Variants in MAMLD1 observed in about 807,000 individuals in gnomAD.
MAMLD1 encodes mastermind like domain containing 1.
In MAMLD1, 14 loss-of-function variants were observed where a neutral mutation model predicts 45.0. The observed-to-expected ratio is 0.31, with a 90% CI of 0.21 to 0.49. MAMLD1 has a LOEUF of 0.49. MAMLD1 is among the 20% of genes least tolerant of loss of function. The pLI is 0.99. For missense variants in MAMLD1, 543 were observed against 603.6 expected (o/e 0.90, Z 1.05); for synonymous variants, 254 against 247.8 (o/e 1.02, Z -0.24).
intron 6 of MAMLD1, among the ~76,000 whole-genome samples, chrX:150,506,550 C>T (rs1356506369): frequency 7.1e-5 from 8 of 111,930 alleles, no homozygotes; most frequent in African/African-American, 2.6e-4. Flanking sequence ...GAACTTCAGC[C>T]CGAATCCGGC....
At position 150,471,339 on chromosome X, in the gene MAMLD1, C is replaced by A. The variant is rs782063965; in HGVS notation, c.1766C>A (p.Thr589Lys). The A allele has an allele frequency of 1.7e-6, 2 of 1,211,085 alleles. No homozygotes were observed. Among genetic ancestry groups the A allele is most frequent in the Non-Finnish European group, 2.2e-6 (2 of 895,232 alleles). The change falls in exon 4 of 8, where the codon ACG (threonine) becomes AAG (lysine). Residue 589 changes from threonine to lysine, a missense_variant. Thr to Lys is a moderately conservative substitution (Grantham distance 78). Transcript: ENST00000370401. ...GCCTCCTCAGCCACTGCCTCCTCCACGGCCACTGCCACCTTGCAGCTGCAG... is the reference window on the plus strand; with the variant it reads ...GCCTCCTCAGCCACTGCCTCCTCCAAGGCCACTGCCACCTTGCAGCTGCAG... The part of the protein sequence containing the change: ...TQASSATASS[T>K]ATATLQLQQQ...
chrX:150,407,218 A>G (rs2034020955), intron 1 of MAMLD1, among the ~76,000 whole-genome samples: 1 of 112,376 alleles, frequency 8.9e-6, no homozygotes, highest in Admixed American at 9.4e-5. Context: ...AATTTGCGAT[A>G]TATTAATTTA....
At chrX:150,477,650 T>C (rs1164496516) in intron 5 of MAMLD1, among the ~76,000 whole-genome samples, 3 of 111,524 alleles carry the variant, frequency 2.7e-5, no homozygotes, top group Non-Finnish European at 5.7e-5. Context: ...AATGTTGTCT[T>C]CTCTTCCCTC....
intron 1 of MAMLD1, among the ~76,000 whole-genome samples, chrX:150,377,819 T>TCTCA (rs782754923): frequency 1.1e-5 from 1 of 91,834 alleles, no homozygotes; most frequent in Non-Finnish European, 2.1e-5. Context: ...TACCACCCCC[T>TCTCA]CACACACACA....
intron 2 of MAMLD1, among the ~76,000 whole-genome samples, chrX:150,459,760 G>T (rs944081185): frequency 3.7e-5 from 4 of 107,448 alleles, no homozygotes; most frequent in Non-Finnish European, 5.8e-5. Flanking sequence ...TATAAATCAG[G>T]TCTCCCTTAC....
chrX:150,456,174 G>A (rs2035859267), intron 2 of MAMLD1, among the ~76,000 whole-genome samples: 2 of 110,609 alleles, frequency 1.8e-5, no homozygotes, highest in Non-Finnish European at 3.8e-5. Flanking sequence ...TTCGGGGAAG[G>A]CTGGCTTACT....
intron 1 of MAMLD1, among the ~76,000 whole-genome samples, chrX:150,374,256 T>TA (rs2032192049): frequency 8.9e-6 from 1 of 112,752 alleles, no homozygotes; most frequent in Admixed American, 9.3e-5. Context: ...TGTCACAGGT[T>TA]AAGAAAGCCT....
At chrX:150,461,550 T>C (rs2036040031) in intron 2 of MAMLD1, among the ~76,000 whole-genome samples, 1 of 111,955 alleles carries the variant, frequency 8.9e-6, no homozygotes, top group South Asian at 3.8e-4. Context: ...TTTTCTCGGT[T>C]CATTGGCCAC....
chrX:150,499,819 A>G (rs637869), intron 5 of MAMLD1, among the ~76,000 whole-genome samples: 1 of 111,779 alleles, frequency 8.9e-6, no homozygotes, highest in African/African-American at 3.3e-5. Flanking sequence ...TGTTATTTTC[A>G]CCATATGATT....
At chrX:150,420,419 A>G (rs1172547674) in intron 1 of MAMLD1, among the ~76,000 whole-genome samples, 2 of 108,873 alleles carry the variant, frequency 1.8e-5, no homozygotes, top group Non-Finnish European at 3.8e-5. Flanking sequence ...TTGATCGTCT[A>G]AAGCCTTCTT....
At chrX:150,432,089 T>C (rs1291522093) in intron 1 of MAMLD1, among the ~76,000 whole-genome samples, 1 of 111,406 alleles carries the variant, frequency 9.0e-6, no homozygotes, top group Non-Finnish European at 1.9e-5. Context: ...ACCTCTGTTT[T>C]TTTTTTATGT....
At chrX:150,490,061 G>A (rs1199999371) in intron 5 of MAMLD1, among the ~76,000 whole-genome samples, 1 of 112,005 alleles carries the variant, frequency 8.9e-6, no homozygotes, top group Non-Finnish European at 1.9e-5. Context: ...TCAGTCATTG[G>A]CCGGGAGTAC....
intron 1 of MAMLD1, among the ~76,000 whole-genome samples, chrX:150,383,806 G>A (rs782015289): frequency 9.0e-6 from 1 of 110,898 alleles, no homozygotes; most frequent in East Asian, 2.8e-4. Context: ...ATATGCTTTC[G>A]GTCTATATGG....
At chrX:150,484,220 A>G (rs1031392573) in intron 5 of MAMLD1, among the ~76,000 whole-genome samples, 6 of 113,032 alleles carry the variant, frequency 5.3e-5, no homozygotes, top group Non-Finnish European at 1.1e-4. Flanking sequence ...TCATAAGCAC[A>G]GATTCTACAT....
intron 1 of MAMLD1, among the ~76,000 whole-genome samples, chrX:150,430,143 G>A (rs1180976951): frequency 9.9e-6 from 1 of 101,404 alleles, no homozygotes; most frequent in Non-Finnish European, 2.0e-5. Context: ...TGCCTCATGA[G>A]TAGCTGGAAT....
At chrX:150,436,425 A>G (rs2035125589) in intron 1 of MAMLD1, among the ~76,000 whole-genome samples, 1 of 111,091 alleles carries the variant, frequency 9.0e-6, no homozygotes, top group Admixed American at 9.5e-5. Context: ...ATTCTTCTTT[A>G]TTGCTTCCTC....
intron 1 of MAMLD1, among the ~76,000 whole-genome samples, chrX:150,381,691 T>C (rs5970576): frequency 0.21 from 23,950 of 111,479 alleles, 2,120 homozygotes; most frequent in African/African-American, 0.3. Flanking sequence ...AGTGGTGTAG[T>C]GCAATACAGG....
intron 5 of MAMLD1, among the ~76,000 whole-genome samples, chrX:150,498,312 C>T (rs1446614407): frequency 1.8e-5 from 2 of 111,706 alleles, no homozygotes; most frequent in South Asian, 7.6e-4. Flanking sequence ...GCACTGCATA[C>T]GTGCTAATTC....
At chrX:150,479,320 C>T (rs2036680409) in intron 5 of MAMLD1, among the ~76,000 whole-genome samples, 1 of 111,753 alleles carries the variant, frequency 8.9e-6, no homozygotes, top group African/African-American at 3.3e-5. Context: ...CCAAAACTTA[C>T]GGGGATGCAC....
Sources: allele counts gnomAD v4.1 joint callset (sites outside exome capture counted in the v4.1 genomes callset), GRCh38; gene constraint gnomAD v4.1.1; transcripts MANE v1.5; gene names NCBI Gene and HGNC (gene_info 2026-07-23, HGNC 2026-07-21).